The following FGD3 variants were observed in gnomAD, a reference collection of about 807,000 sequenced individuals.
FGD3 encodes the protein FYVE, RhoGEF and PH domain-containing protein 3.
Under a neutral mutation model 71.8 loss-of-function variants are expected in FGD3, and 45 were observed. The observed-to-expected ratio is 0.63, with a 90% CI of 0.49 to 0.80. The LOEUF (loss-of-function observed/expected upper bound fraction) is 0.80, where lower values mean the gene tolerates loss of function less well. Ranked by LOEUF, FGD3 falls within the 30% of genes least tolerant of loss-of-function variation. The pLI is 0.00. For missense variants in FGD3, 844 were observed against 951.5 expected (o/e 0.89, Z 1.49); for synonymous variants, 378 against 392.8 (o/e 0.96, Z 0.44).
intron 3 of FGD3, among the ~76,000 whole-genome samples, chr9:92,981,303 G>A (rs1208240355): frequency 4.0e-5 from 6 of 148,956 alleles, no homozygotes; most frequent in African/African-American, 1.5e-4. Context: ...GGGAGGCGGA[G>A]CTTGCAGTGA....
intron 1 of FGD3, among the ~76,000 whole-genome samples, chr9:92,958,437 T>C (rs1430973633): frequency 6.6e-6 from 1 of 152,254 alleles, no homozygotes; most frequent in Admixed American, 6.5e-5. Flanking sequence ...AGGAGACATT[T>C]GTTACAATTG....
chr9:93,031,648 C>T (rs1455934413), intron 15 of FGD3, among the ~76,000 whole-genome samples: 1 of 152,190 alleles, frequency 6.6e-6, no homozygotes, highest in Non-Finnish European at 1.5e-5. Context: ...TGCTGTGGCT[C>T]CTGAGACCTG....
Position 93,035,451 on chromosome 9 carries a change from C to G in FGD3, c.2040C>G (p.Ser680=), listed in dbSNP as rs1297356956. 6.2e-7 allele frequency: 1 copy of G among 1,613,292 alleles called. No individual in the cohort carries two copies. Among genetic ancestry groups the G allele is most frequent in the Non-Finnish European group, 8.5e-7 (1 of 1,179,796 alleles). The change falls in exon 18 of 18, where the codon TCC becomes TCG. Residue 680 remains serine, a synonymous_variant. Coordinates refer to ENST00000375482, the MANE Select transcript of FGD3 (RefSeq NM_001083536.2). ...GGAAGCTGCAGTGGGCCAAGCAGTC[C>G]TGGTACCTGAGCGCCTCCTCCGCAG... ...HVWKLQWAKQ[S]WYLSASSAEL...
chr9:93,020,710 G>A (rs1012259748), intron 13 of FGD3: 9 of 344,080 alleles, frequency 2.6e-5, no homozygotes, highest in African/African-American at 1.9e-4. Flanking sequence ...CTGTGTGGTT[G>A]GAGAGGATTT....
chr9:93,011,594 A>T (rs1375816420), intron 8 of FGD3, among the ~76,000 whole-genome samples: 1 of 152,146 alleles, frequency 6.6e-6, no homozygotes, highest in Non-Finnish European at 1.5e-5. Flanking sequence ...GCGGTTGCTC[A>T]TTCCTATAAT....
At chr9:93,034,859 C>T (rs1206534370) in intron 17 of FGD3, among the ~76,000 whole-genome samples, 178 bp downstream of exon 17, 2 of 152,178 alleles carry the variant, frequency 1.3e-5, no homozygotes, top group Admixed American at 1.3e-4. Flanking sequence ...GGAGACAGAA[C>T]CTACTGGCAC....
At chr9:93,020,650 C>T (rs779028071) in intron 13 of FGD3, 4 of 500,346 alleles carry the variant, frequency 8.0e-6, no homozygotes, top group Non-Finnish European at 1.5e-5. Flanking sequence ...ATAACACCCA[C>T]CCCCTACAAC....
intron 3 of FGD3, among the ~76,000 whole-genome samples, chr9:92,991,140 G>A (rs1402442940): frequency 6.6e-6 from 1 of 152,002 alleles, no homozygotes; most frequent in Non-Finnish European, 1.5e-5. Context: ...GTGCAGTGGC[G>A]CAATCTTGGC....
intron 14 of FGD3, among the ~76,000 whole-genome samples, chr9:93,023,981 T>G (rs1441128026): frequency 6.6e-6 from 1 of 151,962 alleles, no homozygotes; most frequent in Non-Finnish European, 1.5e-5. Context: ...TTTTGTATTT[T>G]TAGTAGAGAC....
At chr9:92,956,492 CA>C (rs1225742903) in intron 1 of FGD3, among the ~76,000 whole-genome samples, 2 of 152,036 alleles carry the variant, frequency 1.3e-5, no homozygotes, top group African/African-American at 4.8e-5. Context: ...GACTGGTGTC[CA>C]AAAAGAAGAG....
In FGD3 at chr9:92,947,614, C is replaced by T. The variant is rs1587804465; in HGVS notation, c.-333C>T. 1 of 152,364 alleles carries T rather than the reference C, an allele frequency of 6.6e-6. No homozygotes were observed. The highest frequency in any genetic ancestry group is 2.4e-5 in the African/African-American group (1 of 41,462). The allele number at this position is 152,364 out of a possible 1,614,324, so 9.4% of individuals were successfully genotyped here. On this transcript the variant is annotated 5_prime_UTR_variant, in exon 1 of 18. Coordinates refer to ENST00000375482, the MANE Select transcript of FGD3 (RefSeq NM_001083536.2). ...CCTGCTGCCCACTGTGAGCGACCTCCCCGGGGCTCCTCTGGAAGCGGCTCC... is the reference window on the plus strand; with the variant it reads ...CCTGCTGCCCACTGTGAGCGACCTCTCCGGGGCTCCTCTGGAAGCGGCTCC...
At chr9:92,972,117 C>A (rs1859560150) in intron 1 of FGD3, among the ~76,000 whole-genome samples, 1 of 151,898 alleles carries the variant, frequency 6.6e-6, no homozygotes, top group Non-Finnish European at 1.5e-5. Context: ...ATAATTATTT[C>A]TAGATTCATC....
intron 3 of FGD3, among the ~76,000 whole-genome samples, chr9:92,988,046 G>C (rs186206479): frequency 6.6e-6 from 1 of 152,136 alleles, no homozygotes; most frequent in Non-Finnish European, 1.5e-5. Context: ...CCTTAGTTCA[G>C]CTAAAATCCG....
intron 3 of FGD3, among the ~76,000 whole-genome samples, chr9:92,988,241 C>A (rs571946293): frequency 3.9e-5 from 6 of 152,330 alleles, no homozygotes; most frequent in Non-Finnish European, 8.8e-5. Context: ...TTCTCCCCTG[C>A]ATAAGGCTCC....
intron 1 of FGD3, among the ~76,000 whole-genome samples, chr9:92,960,943 C>T (rs1174687172): frequency 6.6e-6 from 1 of 151,968 alleles, no homozygotes; most frequent in African/African-American, 2.4e-5. Flanking sequence ...GGTGCTCCCC[C>T]TGGGGCTCTC....
intron 1 of FGD3, among the ~76,000 whole-genome samples, chr9:92,973,629 A>C (rs1266228504): frequency 6.6e-6 from 1 of 152,204 alleles, no homozygotes; most frequent in Admixed American, 6.5e-5. Context: ...TTCCTGAAGC[A>C]AGACCCTCTG....
At chr9:92,949,891 GC>G (rs1289583099) in intron 1 of FGD3, among the ~76,000 whole-genome samples, 3 of 152,138 alleles carry the variant, frequency 2.0e-5, no homozygotes, top group African/African-American at 7.2e-5. Context: ...ACCGGCAGAG[GC>G]TCAACTAACC....
At chr9:92,995,725 G>A (rs567120567) in intron 3 of FGD3, among the ~76,000 whole-genome samples, 18 of 152,176 alleles carry the variant, frequency 1.2e-4, no homozygotes, top group Non-Finnish European at 2.5e-4. Context: ...TGCATCTATT[G>A]AGATAATCAT....
intron 3 of FGD3, among the ~76,000 whole-genome samples, chr9:92,990,948 G>A (rs945778340): frequency 6.6e-6 from 1 of 152,180 alleles, no homozygotes; most frequent in Non-Finnish European, 1.5e-5. Flanking sequence ...GAGTTAGGAA[G>A]AATTTCCTCC....
Sources: gnomAD v4.1 joint callset for allele counts (sites outside exome capture counted in the v4.1 genomes callset) on GRCh38, gnomAD v4.1.1 for gene constraint, MANE v1.5 for transcripts, NCBI Gene and HGNC (gene_info 2026-07-23, HGNC 2026-07-21) for gene names.